The following USP32 variants were observed in gnomAD, a reference collection of about 807,000 sequenced individuals.
USP32 encodes ubiquitin specific peptidase 32.
Under a neutral mutation model 204.8 loss-of-function variants are expected in USP32, and 59 were observed. That is an observed-to-expected ratio of 0.29 (90% CI 0.23 to 0.36). The LOEUF is 0.36. USP32 is among the 10% of genes least tolerant of loss of function. The pLI is 1.00. For missense variants in USP32, 1,160 were observed against 1,946.4 expected (o/e 0.60, Z 7.60); for synonymous variants, 517 against 678.4 (o/e 0.76, Z 3.70).
chr17:60,379,250 A>C (rs879372145), intron 1 of USP32, among the ~76,000 whole-genome samples: 1 of 152,202 alleles, frequency 6.6e-6, no homozygotes, highest in Non-Finnish European at 1.5e-5. Context: ...ATGTCAAAGT[A>C]GCACTGGCAT....
chr17:60,302,522 C>G (rs1383903944), intron 2 of USP32, among the ~76,000 whole-genome samples: 1 of 152,174 alleles, frequency 6.6e-6, no homozygotes. Flanking sequence ...TTTCAACTCA[C>G]AATATTCCCA....
intron 2 of USP32, among the ~76,000 whole-genome samples, chr17:60,328,692 G>A (rs767899750): frequency 6.6e-6 from 1 of 152,222 alleles, no homozygotes; most frequent in Non-Finnish European, 1.5e-5. Flanking sequence ...GGAGCTCCCT[G>A]AGCCAGGGCT....
At chr17:60,414,835 T>C (rs997453046) in intron 1 of USP32, among the ~76,000 whole-genome samples, 2 of 151,142 alleles carry the variant, frequency 1.3e-5, no homozygotes, top group Admixed American at 6.6e-5. Context: ...ACCAGATTTT[T>C]ATTTTTCTTT....
intron 1 of USP32, among the ~76,000 whole-genome samples, chr17:60,384,135 G>GA (rs1186358770): frequency 1.3e-5 from 2 of 152,218 alleles, no homozygotes. Context: ...GATATGTCTA[G>GA]ATTTTTCAGT....
intron 1 of USP32, among the ~76,000 whole-genome samples, chr17:60,414,537 T>A (rs1055466938): frequency 1.3e-5 from 2 of 149,648 alleles, no homozygotes; most frequent in African/African-American, 4.9e-5. Flanking sequence ...CAAGCTATTC[T>A]CATGTCTCAG....
At chr17:60,201,660 ATTTT>A (rs1278896872) in intron 26 of USP32, among the ~76,000 whole-genome samples, 1 of 137,470 alleles carries the variant, frequency 7.3e-6, no homozygotes, top group Non-Finnish European at 1.6e-5. Context: ...GTCGTTGATC[ATTTT>A]TTTTTTTTTT....
At chr17:60,193,496 A>C (rs2145417951) in intron 27 of USP32, among the ~76,000 whole-genome samples, 1 of 152,292 alleles carries the variant, frequency 6.6e-6, no homozygotes, top group Non-Finnish European at 1.5e-5. Flanking sequence ...CTTTTAAAAA[A>C]ATTTACTCAT....
At chr17:60,190,009 T>TTAGGAGGTGGGGCC (rs1195147301) in intron 29 of USP32, among the ~76,000 whole-genome samples, 1 of 152,220 alleles carries the variant, frequency 6.6e-6, no homozygotes, top group Non-Finnish European at 1.5e-5. Context: ...TGTGGCGTTG[T>TTAGGAGGTGGGGCC]TAGGAGGTGG....
At chr17:60,244,658 A>G (rs2085966798) in intron 11 of USP32, among the ~76,000 whole-genome samples, 1 of 152,090 alleles carries the variant, frequency 6.6e-6, no homozygotes, top group Non-Finnish European at 1.5e-5. Flanking sequence ...TTGAGATGTC[A>G]TCTTGCTCTG....
At chr17:60,285,483 C>T (rs2087087738) in intron 5 of USP32, among the ~76,000 whole-genome samples, 1 of 152,100 alleles carries the variant, frequency 6.6e-6, no homozygotes, top group Non-Finnish European at 1.5e-5. Flanking sequence ...GCACTTGACA[C>T]CCAAATTCCT....
Position 60,180,915 on chromosome 17 carries a change from C to T in USP32, c.4549-278G>A, listed in dbSNP as rs183091584. On this transcript the variant is annotated intron_variant, in intron 32 of 33. Coordinates refer to ENST00000300896, the MANE Select transcript of USP32 (RefSeq NM_032582.4). ...ATTATTATTTTGAGACAGGGACTTG[C>T]TCTATCACCCAGGCTGGGGTGCAGT... Among the ~76,000 whole-genome samples, 825 of 151,472 alleles carry T rather than the reference C, an allele frequency of 5.4e-3. 4 individuals carry two copies. Among genetic ancestry groups the T allele is most frequent in the Middle Eastern group, 0.017 (5 of 290 alleles).
At position 60,180,635 on chromosome 17, in the gene USP32, G is replaced by A. The variant is rs762405475; in HGVS notation, c.4551C>T (p.Cys1517=). ...GGCCCCCACCCAGAATTCCTGAATG[G>A]CACTGTAAGAGATAAGAGAGTGGAG... is the stretch of plus-strand genomic sequence containing the variant. ...KPIYNLYAIS[C]HSGILGGGHY... is the part of the protein sequence containing the mutation. Residue 1517 remains cysteine (C), a splice_region_variant and synonymous_variant, in exon 33 of 34, where the codon TGC becomes TGT. Coordinates refer to ENST00000300896, the MANE Select transcript of USP32 (RefSeq NM_032582.4). 6.2e-6 allele frequency: 10 copies of A among 1,613,440 alleles called. No homozygotes were observed. The South Asian group carries it at 9.9e-5, about 16-fold the overall frequency.
intron 11 of USP32, among the ~76,000 whole-genome samples, chr17:60,247,488 C>A (rs942597186): frequency 6.6e-6 from 1 of 151,992 alleles, no homozygotes; most frequent in South Asian, 2.1e-4. Flanking sequence ...CCTCTTTAAT[C>A]CATTTTGATT....
chr17:60,401,775 A>G (rs1490747410), intron 1 of USP32, among the ~76,000 whole-genome samples: 1 of 152,214 alleles, frequency 6.6e-6, no homozygotes, highest in East Asian at 1.9e-4. Context: ...CATGAACTTC[A>G]GCCTGGTTGT....
At chr17:60,404,973 T>C (rs2143036378) in intron 1 of USP32, among the ~76,000 whole-genome samples, 1 of 152,192 alleles carries the variant, frequency 6.6e-6, no homozygotes, top group South Asian at 2.1e-4. Flanking sequence ...GGTGAGGAAT[T>C]GGAGACCAGT....
At chr17:60,296,015 G>GA (rs1426391384) in intron 3 of USP32, among the ~76,000 whole-genome samples, 7 of 152,188 alleles carry the variant, frequency 4.6e-5, no homozygotes, top group Admixed American at 3.3e-4. Context: ...ACCAGCATGA[G>GA]AAAAAAATCA....
chr17:60,353,822 T>C (rs573312374), intron 1 of USP32, among the ~76,000 whole-genome samples: 32 of 152,286 alleles, frequency 2.1e-4, no homozygotes, highest in South Asian at 1.9e-3. Context: ...TCACTGTCCA[T>C]GAAAGGAAAA....
chr17:60,298,860 T>C (rs2087502800), intron 3 of USP32, among the ~76,000 whole-genome samples: 1 of 152,202 alleles, frequency 6.6e-6, no homozygotes, highest in Admixed American at 6.5e-5. Context: ...TGCTAGCTCA[T>C]GTTTGTAATC....
intron 11 of USP32, among the ~76,000 whole-genome samples, chr17:60,238,977 G>A (rs1294710959): frequency 1.3e-5 from 2 of 152,046 alleles, no homozygotes; most frequent in African/African-American, 2.4e-5. Context: ...CAAAACAAAC[G>A]AAAACCTTTC....
Sources: allele counts gnomAD v4.1 joint callset (sites outside exome capture counted in the v4.1 genomes callset), GRCh38; gene constraint gnomAD v4.1.1; transcripts MANE v1.5; gene names NCBI Gene and HGNC (gene_info 2026-07-23, HGNC 2026-07-21).